The following SCP2 variants were observed in gnomAD, a reference collection of about 807,000 sequenced individuals.
SCP2 encodes the protein sterol carrier protein 2, also known as SCP-2/3-oxoacyl-CoA thiolase.
SCP2 carries 48 observed loss-of-function variants against 71.4 expected under a neutral mutation model. That is an observed-to-expected ratio of 0.67 (90% CI 0.53 to 0.86). The LOEUF (loss-of-function observed/expected upper bound fraction) is 0.86, where lower values mean the gene tolerates loss of function less well. Among genes scored for constraint, SCP2 ranks in the 40% least tolerant of loss-of-function variants. The probability of loss-of-function intolerance (pLI) is 0.00; values close to 1 mark genes in which losing one functional copy is unlikely to be tolerated. For missense variants in SCP2, 560 were observed against 655.6 expected (o/e 0.85, Z 1.59); for synonymous variants, 220 against 218.1 (o/e 1.01, Z -0.08).
intron 10 of SCP2, among the ~76,000 whole-genome samples, chr1:52,987,297 A>G (rs1473850629): frequency 2.0e-5 from 3 of 152,178 alleles, no homozygotes; most frequent in Non-Finnish European, 2.9e-5. Flanking sequence ...AATAATTAGA[A>G]CAAGAGCTGA....
chr1:53,047,365 G>T (rs1233300119), intron 14 of SCP2, among the ~76,000 whole-genome samples: 1 of 152,222 alleles, frequency 6.6e-6, no homozygotes, highest in African/African-American at 2.4e-5. Context: ...ACTCACACTG[G>T]AAGGAAGGGG....
intron 2 of SCP2, among the ~76,000 whole-genome samples, chr1:52,945,084 GACCCAGACCTAGTC>G (rs1023908699): frequency 4.6e-5 from 7 of 151,978 alleles, no homozygotes; most frequent in Non-Finnish European, 1.0e-4. Flanking sequence ...ACAAAATTTT[GACCCAGACCTAGTC>G]ACTATTAGTA....
chr1:52,978,198 T>C lies in SCP2; in HGVS notation c.675-19T>C, dbSNP rs772388976. ...TCAGGTGCTACTGGGTGTGGAGAAT[T>C]ATTTTTACTTCCTCTTAGTCCCACT... On this transcript the variant is annotated intron_variant, in intron 8 of 15. Coordinates refer to ENST00000371514, the MANE Select transcript of SCP2 (RefSeq NM_002979.5). 6.2e-7 allele frequency: 1 copy of C among 1,612,632 alleles called. No homozygotes were observed.
Position 52,996,808 on chromosome 1 carries a change from G to A in SCP2, c.1081+8672G>A, listed in dbSNP as rs185172204. ...GGATTAACATCCCTGACTTTATGTG[G>A]GATAGTATATACTGCCACATCAGTG... On this transcript the variant is annotated intron_variant, in intron 11 of 15. Coordinates refer to ENST00000371514, the MANE Select transcript of SCP2 (RefSeq NM_002979.5). Among the ~76,000 whole-genome samples the A allele has an allele frequency of 3.9e-5, 6 of 152,258 alleles. No homozygotes were observed. The East Asian group carries it at 5.8e-4, about 15-fold the overall frequency.
At chr1:52,995,078 A>G (rs1659828872) in intron 11 of SCP2, 1 of 499,540 alleles carries the variant, frequency 2.0e-6, no homozygotes, top group Non-Finnish European at 4.0e-6. Flanking sequence ...TCAGTTGTAG[A>G]TGTGGTGCAG....
intron 9 of SCP2, among the ~76,000 whole-genome samples, chr1:52,979,480 C>T (rs1168654075): frequency 5.3e-5 from 8 of 152,048 alleles, no homozygotes; most frequent in South Asian, 2.1e-4. Context: ...TGAGCCACCA[C>T]GCCTGGCCTC....
intron 6 of SCP2, among the ~76,000 whole-genome samples, chr1:52,968,757 G>A (rs1226440879): frequency 6.6e-6 from 1 of 152,060 alleles, no homozygotes; most frequent in African/African-American, 2.4e-5. Flanking sequence ...GAACAACAGG[G>A]GGTTTAGTGG....
intron 8 of SCP2, 75 bp from the exon 9 acceptor site, chr1:52,978,142 T>A: frequency 1.4e-6 from 2 of 1,443,514 alleles, no homozygotes; most frequent in Non-Finnish European, 1.9e-6. Flanking sequence ...TCCTTTCACA[T>A]AGAAGTAACT....
At chr1:53,007,678 A>G (rs939619587) in intron 11 of SCP2, among the ~76,000 whole-genome samples, 6 of 152,222 alleles carry the variant, frequency 3.9e-5, no homozygotes, top group African/African-American at 1.4e-4. Context: ...GAAAGCAGGA[A>G]AGATCTAAAA....
intron 6 of SCP2, among the ~76,000 whole-genome samples, chr1:52,968,908 A>G (rs1394262997): frequency 6.6e-6 from 1 of 152,168 alleles, no homozygotes; most frequent in African/African-American, 2.4e-5. Context: ...TATATTATAC[A>G]CTATGCTCAT....
chr1:52,962,375 AG>A (rs1026721752), intron 6 of SCP2, among the ~76,000 whole-genome samples: 16 of 152,262 alleles, frequency 1.1e-4, no homozygotes, highest in African/African-American at 3.8e-4. Context: ...CCTGAAATTT[AG>A]GAGTGTTCTA....
chr1:52,938,156 GTTTA>G (rs1045724993), intron 1 of SCP2, among the ~76,000 whole-genome samples: 1 of 152,160 alleles, frequency 6.6e-6, no homozygotes, highest in Non-Finnish European at 1.5e-5. Context: ...ATTTCAGCTG[GTTTA>G]TTTGTCACAT....
At chr1:53,028,352 G>A (rs1662282604) in intron 13 of SCP2, among the ~76,000 whole-genome samples, 1 of 152,124 alleles carries the variant, frequency 6.6e-6, no homozygotes, top group East Asian at 1.9e-4. Flanking sequence ...GGGTCATTCA[G>A]TCATGGGCAA....
intron 5 of SCP2, among the ~76,000 whole-genome samples, chr1:52,960,953 T>G (rs1656373971): frequency 6.6e-6 from 1 of 151,894 alleles, no homozygotes; most frequent in East Asian, 1.9e-4. Flanking sequence ...GGGTTCACCA[T>G]GTTGGCCAGG....
At position 53,047,841 on chromosome 1, in the gene SCP2, C is replaced by G. The variant is rs1027138980; in HGVS notation, c.1469-17C>G. Reference sequence around the variant, plus strand: ...ACACCTCCTATTCTCCTTCCTTCTCCTGTGTATCTGTTTTAGATAAGAAGG... The same window carrying G: ...ACACCTCCTATTCTCCTTCCTTCTCGTGTGTATCTGTTTTAGATAAGAAGG... On this transcript the variant is annotated splice_polypyrimidine_tract_variant and intron_variant, in intron 14 of 15. Transcript: ENST00000371514. 2 of 1,575,882 alleles carry G rather than the reference C, an allele frequency of 1.3e-6. No individual in the cohort carries two copies. Among genetic ancestry groups the G allele is most frequent in the Admixed American group, 3.3e-5 (2 of 59,934 alleles).
At chr1:52,956,981 C>G (rs530615225) in intron 5 of SCP2, among the ~76,000 whole-genome samples, 1 of 143,124 alleles carries the variant, frequency 7.0e-6, no homozygotes, top group Non-Finnish European at 1.5e-5. Context: ...GCAATCTTGG[C>G]TCACTGCAAC....
At chr1:52,964,035 T>C (rs1475854961) in intron 6 of SCP2, among the ~76,000 whole-genome samples, 1 of 152,118 alleles carries the variant, frequency 6.6e-6, no homozygotes, top group Non-Finnish European at 1.5e-5. Context: ...CCTTTTTTCT[T>C]TTTTGACCTA....
chr1:52,995,696 C>G, intron 11 of SCP2: 1 of 744,964 alleles, frequency 1.3e-6, no homozygotes, highest in Non-Finnish European at 2.5e-6. Flanking sequence ...CGTGCAGAAC[C>G]AGAACAGCAG....
At chr1:52,986,955 GA>G (rs1659033839) in intron 10 of SCP2, among the ~76,000 whole-genome samples, 1 of 143,724 alleles carries the variant, frequency 7.0e-6, no homozygotes, top group South Asian at 2.2e-4. Flanking sequence ...CATACAAATT[GA>G]AGTTTTGCTT....
Sources: allele counts gnomAD v4.1 joint callset (sites outside exome capture counted in the v4.1 genomes callset), GRCh38; gene constraint gnomAD v4.1.1; transcripts MANE v1.5; gene names NCBI Gene and HGNC (gene_info 2026-07-23, HGNC 2026-07-21).